The following MTAP variants were observed in gnomAD, a reference collection of about 807,000 sequenced individuals.
MTAP encodes S-methyl-5'-thioadenosine phosphorylase.
A neutral mutation model predicts 33.6 loss-of-function variants in MTAP; 33 were observed. That is an observed-to-expected ratio of 0.98 (90% CI 0.74 to 1.31). The LOEUF (loss-of-function observed/expected upper bound fraction) is 1.31. Among genes scored for constraint, MTAP ranks in the 40% most tolerant of loss-of-function variants. The pLI is 0.00. For missense variants in MTAP, 367 were observed against 360.0 expected, an observed-to-expected ratio of 1.02 and a Z score of -0.16; for synonymous variants, 148 against 125.7, an observed-to-expected ratio of 1.18 and a Z score of -1.19.
At chr9:21,854,941 G>C (rs1002212261) in intron 6 of MTAP, 71 bp downstream of exon 6, 18 of 1,546,738 alleles carry the variant, frequency 1.2e-5, no homozygotes, top group Non-Finnish European at 1.5e-5. Context: ...TTAACTGTTT[G>C]TTTCTATTAC....
At chr9:21,809,405 T>A (rs1287775313) in intron 1 of MTAP, among the ~76,000 whole-genome samples, 1 of 152,024 alleles carries the variant, frequency 6.6e-6, no homozygotes, top group Non-Finnish European at 1.5e-5. Context: ...TTTGGGAGGC[T>A]GAGGCGGGCG....
intron 1 of MTAP, 48 bp from the exon 2 acceptor site, chr9:21,815,385 A>G (rs1824449000): frequency 1.5e-6 from 2 of 1,299,136 alleles, no homozygotes; most frequent in Non-Finnish European, 1.1e-6. Context: ...CTTATTTCTA[A>G]TAAAAATTAC....
At chr9:21,916,509 C>T (rs1284428747) in intron 1 of MTAP, among the ~76,000 whole-genome samples, 3 of 152,046 alleles carry the variant, frequency 2.0e-5, no homozygotes, top group Admixed American at 2.0e-4. Flanking sequence ...ACTCCAGAGG[C>T]TGAGTCAGGA....
chr9:21,902,020 G>A (rs544924807), intron 1 of MTAP, among the ~76,000 whole-genome samples: 3 of 152,342 alleles, frequency 2.0e-5, no homozygotes, highest in East Asian at 3.9e-4. Context: ...TAGAATGTAT[G>A]AGAAATAGCT....
chr9:21,917,117 T>A (rs932648325), intron 1 of MTAP, among the ~76,000 whole-genome samples: 4 of 152,228 alleles, frequency 2.6e-5, no homozygotes, highest in Admixed American at 6.5e-5. Context: ...GGAAAGATGT[T>A]GCCATAAACT....
At chr9:21,832,570 C>T (rs912168114) in intron 4 of MTAP, among the ~76,000 whole-genome samples, 1 of 152,212 alleles carries the variant, frequency 6.6e-6, no homozygotes, top group African/African-American at 2.4e-5. Context: ...CTTCACCTTC[C>T]CTTTCCCCAG....
intron 5 of MTAP, among the ~76,000 whole-genome samples, chr9:21,839,344 T>C (rs999851459): frequency 6.6e-6 from 1 of 152,170 alleles, no homozygotes; most frequent in African/African-American, 2.4e-5. Context: ...ATGGATAAAA[T>C]TCTTGTCCAC....
downstream of MTAP, chr9:21,933,332 CATTTATAAGCT>C (rs1290422953): frequency 2.0e-5 from 3 of 152,122 alleles, no homozygotes. Context: ...AGGAAGTCTC[CATTTATAAGCT>C]TGTCTCTCTG....
chr9:21,870,786 T>C (rs1201775680), downstream of MTAP, among the ~76,000 whole-genome samples: 1 of 149,598 alleles, frequency 6.7e-6, no homozygotes, highest in Non-Finnish European at 1.5e-5. Context: ...TTTCTTTTTT[T>C]TTTTTTTTTG....
At chr9:21,887,849 T>C (rs1427540975) in intron 1 of MTAP, among the ~76,000 whole-genome samples, 1 of 152,148 alleles carries the variant, frequency 6.6e-6, no homozygotes, top group East Asian at 1.9e-4. Context: ...TTCACGTCCT[T>C]GGTTAGATAT....
At chr9:21,851,410 C>A (rs991616028) in intron 5 of MTAP, among the ~76,000 whole-genome samples, 5 of 152,138 alleles carry the variant, frequency 3.3e-5, no homozygotes, top group Non-Finnish European at 7.4e-5. Context: ...TTTTCTTTCT[C>A]CTTTATCATA....
chr9:21,873,262 G>A (rs966016934), intron 1 of MTAP, among the ~76,000 whole-genome samples: 20 of 152,118 alleles, frequency 1.3e-4, no homozygotes, highest in Admixed American at 5.9e-4. Context: ...GACTGTAGGC[G>A]TCTATAAACT....
rs937544830 is a variant in MTAP, at chr9:21,864,495, T to C, written c.*2481T>C. The C allele has an allele frequency of 4.2e-5, 41 of 985,416 alleles. No homozygotes were observed. The East Asian group carries it at 4.5e-3, about 109-fold the overall frequency. 61.0% of individuals were successfully genotyped at this position (985,416 alleles called of 1,614,324 possible). On this transcript the variant is annotated 3_prime_UTR_variant, in exon 8 of 8. Transcript: ENST00000644715. ...GCCCTTAGTGATTAATAGATTTGCA[T>C]GTACATAGAAGTCTTTGTTGGCCTT...
chr9:21,860,733 GTTTGTTTGTTTA>G (rs1189835944), intron 7 of MTAP: 9 of 147,346 alleles, frequency 6.1e-5, no homozygotes, highest in African/African-American at 2.4e-4. Context: ...TGTCATAGAA[GTTTGTTTGTTTA>G]TTTGTTTGTT....
chr9:21,885,416 G>T (rs1341505405), intron 1 of MTAP, among the ~76,000 whole-genome samples: 2 of 152,082 alleles, frequency 1.3e-5, no homozygotes, highest in African/African-American at 4.8e-5. Context: ...CTGGGGTGGG[G>T]CCCAATAATT....
intron 4 of MTAP, among the ~76,000 whole-genome samples, chr9:21,830,352 C>G (rs1262921763): frequency 6.6e-6 from 1 of 152,216 alleles, no homozygotes; most frequent in African/African-American, 2.4e-5. Context: ...AGAACTTTGT[C>G]TAGGAGGCTT....
chr9:21,810,031 G>A (rs1563828897), intron 1 of MTAP, among the ~76,000 whole-genome samples: 1 of 152,220 alleles, frequency 6.6e-6, no homozygotes, highest in Non-Finnish European at 1.5e-5. Context: ...GATGTTTTGA[G>A]CGCTTGCATC....
At chr9:21,833,939 C>A (rs933558133) in intron 4 of MTAP, among the ~76,000 whole-genome samples, 1 of 152,176 alleles carries the variant, frequency 6.6e-6, no homozygotes, top group Non-Finnish European at 1.5e-5. Context: ...CTTTCACTCT[C>A]TTGAACTCAT....
chr9:21,882,166 TG>T (rs1484240862), intron 1 of MTAP, among the ~76,000 whole-genome samples: 16 of 151,944 alleles, frequency 1.1e-4, no homozygotes, highest in Admixed American at 1.0e-3. Flanking sequence ...AGAATGAAGT[TG>T]GACTCATCAC....
Sources: gnomAD v4.1 joint callset for allele counts (sites outside exome capture counted in the v4.1 genomes callset) on GRCh38, gnomAD v4.1.1 for gene constraint, MANE v1.5 for transcripts, NCBI Gene and HGNC (gene_info 2026-07-23, HGNC 2026-07-21) for gene names.